Variants in TTC27 observed in about 807,000 individuals in gnomAD.
TTC27 encodes tetratricopeptide repeat domain 27, also known as tetratricopeptide repeat protein 27.
TTC27 carries 79 observed loss-of-function variants against 115.9 expected under a neutral mutation model. The ratio of observed to expected loss-of-function variants is 0.68; its 90% CI spans 0.57 to 0.82. The LOEUF (loss-of-function observed/expected upper bound fraction) is 0.82. Among genes scored for constraint, TTC27 ranks in the 40% least tolerant of loss-of-function variants. TTC27 has a pLI of 0.00. For missense variants in TTC27, 1,054 were observed against 993.1 expected, an observed-to-expected ratio of 1.06 and a Z score of -0.82; for synonymous variants, 401 against 356.0, an observed-to-expected ratio of 1.13 and a Z score of -1.42.
At chr2:32,723,970 G>GTTTTTTTTTTTTTTTTTTTTTTT (rs1668025651) in intron 10 of TTC27, among the ~76,000 whole-genome samples, 2 of 66,286 alleles carry the variant, frequency 3.0e-5, no homozygotes, top group Non-Finnish European at 6.1e-5. Context: ...GCATACATAA[G>GTTTTTTTTTTTTTTTTTTTTTTT]CTTTTTTTTT....
intron 5 of TTC27, among the ~76,000 whole-genome samples, chr2:32,654,246 T>A (rs1470842374): frequency 1.3e-5 from 2 of 152,218 alleles, no homozygotes; most frequent in Non-Finnish European, 2.9e-5. Flanking sequence ...AGAATTCTAG[T>A]AACTAATGAT....
chr2:32,642,741 C>T (rs2151864800), intron 4 of TTC27, among the ~76,000 whole-genome samples: 1 of 151,958 alleles, frequency 6.6e-6, no homozygotes, highest in South Asian at 2.1e-4. Context: ...GATCTCAGCT[C>T]ACTGCAACCT....
intron 10 of TTC27, among the ~76,000 whole-genome samples, chr2:32,721,787 C>G (rs1667940524): frequency 6.6e-6 from 1 of 152,156 alleles, no homozygotes; most frequent in East Asian, 1.9e-4. Flanking sequence ...TAGGCACACA[C>G]AACCATGCCT....
intron 13 of TTC27, among the ~76,000 whole-genome samples, chr2:32,772,818 A>G (rs1669873363): frequency 6.6e-6 from 1 of 152,106 alleles, no homozygotes; most frequent in Non-Finnish European, 1.5e-5. Context: ...GCAATTGTGT[A>G]CCTTCGAACC....
intron 12 of TTC27, among the ~76,000 whole-genome samples, chr2:32,750,406 G>T (rs957541262): frequency 6.6e-6 from 1 of 152,144 alleles, no homozygotes; most frequent in African/African-American, 2.4e-5. Flanking sequence ...AAGAGTAAAG[G>T]CTGTTGCTTC....
intron 9 of TTC27, among the ~76,000 whole-genome samples, chr2:32,688,586 A>G (rs193262596): frequency 1.3e-5 from 2 of 152,260 alleles, no homozygotes; most frequent in East Asian, 1.9e-4. Flanking sequence ...AAACCAACCA[A>G]TTAAATATGG....
At chr2:32,743,590 A>G (rs1416035028) in intron 12 of TTC27, among the ~76,000 whole-genome samples, 3 of 152,186 alleles carry the variant, frequency 2.0e-5, no homozygotes, top group African/African-American at 7.2e-5. Flanking sequence ...TGAAATTCTC[A>G]GTTCTCAACA....
intron 13 of TTC27, among the ~76,000 whole-genome samples, chr2:32,776,774 AATTTTTGT>A (rs2148012049): frequency 6.6e-6 from 1 of 152,038 alleles, no homozygotes; most frequent in East Asian, 1.9e-4. Flanking sequence ...ATGTCCGGCT[AATTTTTGT>A]ATTTTTAGTT....
At chr2:32,676,282 A>G (rs1448755228) in intron 8 of TTC27, among the ~76,000 whole-genome samples, 1 of 151,896 alleles carries the variant, frequency 6.6e-6, no homozygotes, top group Non-Finnish European at 1.5e-5. Flanking sequence ...GTATGCATTC[A>G]TGTGTGTTTG....
chr2:32,761,610 G>C lies in TTC27; in HGVS notation c.1680+3091G>C, dbSNP rs116117092. Among the ~76,000 whole-genome samples the C allele has an allele frequency of 4.7e-3, 717 of 151,942 alleles. 7 individuals are homozygous for C. Among genetic ancestry groups the C allele is most frequent in the African/African-American group, 0.016 (680 of 41,410 alleles). On this transcript the variant is annotated intron_variant, in intron 13 of 19. Coordinates refer to ENST00000317907, the MANE Select transcript of TTC27 (RefSeq NM_017735.5). Reference sequence around the variant, plus strand: ...TATGCCAGGCACATTCCTGCCTCAGGGTCTTCCTCTTGCTCTTTCTCTGCC... The same window carrying C: ...TATGCCAGGCACATTCCTGCCTCAGCGTCTTCCTCTTGCTCTTTCTCTGCC...
intron 5 of TTC27, among the ~76,000 whole-genome samples, chr2:32,657,248 C>T (rs114888844): frequency 0.019 from 2,839 of 152,050 alleles, 67 homozygotes; most frequent in Admixed American, 0.055. Flanking sequence ...GTGAAGTTCA[C>T]GTTAGGATGC....
intron 18 of TTC27, among the ~76,000 whole-genome samples, chr2:32,814,931 A>C (rs562013059): frequency 5.9e-5 from 9 of 152,270 alleles, no homozygotes; most frequent in Admixed American, 5.9e-4. Context: ...CATTTTTAAA[A>C]ATCTCCACAT....
intron 9 of TTC27, among the ~76,000 whole-genome samples, chr2:32,681,929 C>A (rs980031041): frequency 8.8e-5 from 13 of 147,908 alleles, no homozygotes; most frequent in Non-Finnish European, 1.9e-4. Flanking sequence ...TCTCTTTTTG[C>A]AAGGTTCATA....
intron 10 of TTC27, among the ~76,000 whole-genome samples, chr2:32,703,284 T>C (rs1667254000): frequency 6.6e-6 from 1 of 152,128 alleles, no homozygotes; most frequent in Non-Finnish European, 1.5e-5. Context: ...CTGGCCAACA[T>C]GGTGAAACCC....
chr2:32,722,288 A>G (rs1308293372), intron 10 of TTC27, among the ~76,000 whole-genome samples: 1 of 152,196 alleles, frequency 6.6e-6, no homozygotes, highest in Non-Finnish European at 1.5e-5. Context: ...ATCTGCATTA[A>G]TAACTGTGTG....
chr2:32,659,214 C>T (rs533534847), intron 5 of TTC27, among the ~76,000 whole-genome samples: 1 of 152,164 alleles, frequency 6.6e-6, no homozygotes, highest in Non-Finnish European at 1.5e-5. Context: ...AATCTTTCCA[C>T]CTAGGTCTTC....
intron 10 of TTC27, among the ~76,000 whole-genome samples, chr2:32,723,337 G>A (rs1667987112): frequency 6.6e-6 from 1 of 152,096 alleles, no homozygotes; most frequent in Non-Finnish European, 1.5e-5. Flanking sequence ...CTTGGTGGGG[G>A]TGGTTAAAAT....
intron 13 of TTC27, among the ~76,000 whole-genome samples, chr2:32,776,146 T>TA (rs1669990651): frequency 6.6e-6 from 1 of 152,214 alleles, no homozygotes; most frequent in African/African-American, 2.4e-5. Flanking sequence ...CCTGTCCCTC[T>TA]AACAAAATCT....
At chr2:32,752,861 T>C (rs1482048928) in intron 12 of TTC27, among the ~76,000 whole-genome samples, 2 of 152,332 alleles carry the variant, frequency 1.3e-5, no homozygotes, top group East Asian at 3.9e-4. Flanking sequence ...CTTCTGCTCC[T>C]GGCCAGGATG....
Sources: allele counts gnomAD v4.1 joint callset (sites outside exome capture counted in the v4.1 genomes callset), GRCh38; gene constraint gnomAD v4.1.1; transcripts MANE v1.5; gene names NCBI Gene and HGNC (gene_info 2026-07-23, HGNC 2026-07-21).